ATP12A: variants seen among roughly 807,000 people sequenced by gnomAD.
ATP12A encodes potassium-transporting ATPase alpha chain 2.
A neutral mutation model predicts 111.2 loss-of-function variants in ATP12A; 81 were observed. The observed-to-expected ratio is 0.73, with a 90% CI of 0.61 to 0.88. The LOEUF (loss-of-function observed/expected upper bound fraction) is 0.88, where lower values mean the gene tolerates loss of function less well. ATP12A is among the 40% of genes least tolerant of loss of function. The probability of loss-of-function intolerance (pLI) is 0.00; values close to 1 mark genes in which losing one functional copy is unlikely to be tolerated. For synonymous variants in ATP12A, 498 were observed against 499.8 expected, an observed-to-expected ratio of 1.00 and a Z score of 0.05; for missense variants, 1,196 against 1,313.1, an observed-to-expected ratio of 0.91 and a Z score of 1.38.
Position 24,683,955 on chromosome 13 carries a change from G to T in ATP12A, c.169-1359G>T, listed in dbSNP as rs565418778. Among the ~76,000 whole-genome samples, 14 of 152,190 alleles carry T rather than the reference G, an allele frequency of 9.2e-5. No homozygotes were observed. The South Asian group carries it at 2.5e-3, about 27-fold the overall frequency. On this transcript the variant is annotated intron_variant, in intron 2 of 22. Transcript: ENST00000381946. ...TGCCTAATGACAACTGAAGTATCCC[G>T]GCCTTTGAATGAAAGGGCCAGGCAG...
At chr13:24,703,428 G>A (rs879671876) in intron 14 of ATP12A, 9 of 152,156 alleles carry the variant, frequency 5.9e-5, no homozygotes, top group Non-Finnish European at 1.2e-4. Flanking sequence ...TTTTAGTAGA[G>A]ACGGGGCTTT....
Position 24,685,415 on chromosome 13 carries a change from A to G in ATP12A, c.228+42A>G, listed in dbSNP as rs1426772161. On this transcript the variant is annotated intron_variant, in intron 3 of 22. Transcript: ENST00000381946. The surrounding 1 kb of genome is among the most constrained non-coding windows in gnomAD (Gnocchi z 5.5). The stretch of plus-strand genomic sequence containing the variant: ...AGGGATTTGGAAGAGAAGCCTCCCA[A>G]CTCTACAGAGGGAAGGCTGTGTGTG... The G allele has an allele frequency of 6.3e-7, 1 of 1,586,728 alleles. No individual in the cohort carries two copies. The highest frequency in any genetic ancestry group is 1.7e-5 in the Admixed American group (1 of 59,996).
At chr13:24,684,865 C>T (rs1874614035) in intron 2 of ATP12A, among the ~76,000 whole-genome samples, 1 of 152,176 alleles carries the variant, frequency 6.6e-6, no homozygotes, top group African/African-American at 2.4e-5. Flanking sequence ...CTGCCAGAGC[C>T]CACACAGCGA....
chr13:24,708,194 A>T (rs992636765), intron 17 of ATP12A, among the ~76,000 whole-genome samples: 1 of 152,170 alleles, frequency 6.6e-6, no homozygotes, highest in Non-Finnish European at 1.5e-5. Flanking sequence ...AGCAGTTATG[A>T]AGACTTTATA....
Position 24,680,557 on chromosome 13 carries a change from C to G in ATP12A, c.-187C>G. 1 of 574,828 alleles carries G rather than the reference C, an allele frequency of 1.7e-6. No homozygotes were observed. Among genetic ancestry groups the G allele is most frequent in the South Asian group, 2.8e-5 (1 of 36,324 alleles). 35.6% of individuals were successfully genotyped at this position (574,828 alleles called of 1,614,324 possible). On this transcript the variant is annotated 5_prime_UTR_variant, in exon 1 of 23. Transcript: ENST00000381946. Reference sequence around the variant, plus strand: ...GGCATTTAAGGCTGGTGCCACCTCCCCGGTGCAGCGGCTGGCGATCGGCCG... The same window carrying G: ...GGCATTTAAGGCTGGTGCCACCTCCGCGGTGCAGCGGCTGGCGATCGGCCG...
intron 17 of ATP12A, among the ~76,000 whole-genome samples, chr13:24,708,946 A>AAGG (rs1875816947): frequency 0.018 from 1,827 of 100,326 alleles, 78 homozygotes; most frequent in African/African-American, 0.056. Context: ...AGAAAGAAAG[A>AAGG]AAGAAAGAAA....
chr13:24,696,944 T>C (rs1875194112), intron 11 of ATP12A, among the ~76,000 whole-genome samples: 1 of 152,214 alleles, frequency 6.6e-6, no homozygotes, highest in Non-Finnish European at 1.5e-5. Context: ...AGAATGGTGA[T>C]GCCCCAAACA....
Position 24,694,610 on chromosome 13 carries a change from T to C in ATP12A, c.1512+32T>C, listed in dbSNP as rs749126559. The C allele has an allele frequency of 5.0e-6, 8 of 1,611,430 alleles. No individual in the cohort carries two copies. In the Admixed American group the frequency reaches 8.4e-5, roughly 17 times the overall value. On this transcript the variant is annotated intron_variant, in intron 11 of 22. Coordinates refer to ENST00000381946, the MANE Select transcript of ATP12A (RefSeq NM_001676.7). ...TTTTCCTCACAACCGGTAATCTCTG[T>C]CATCGGCAGCATGACCTTTCTACTT...
chr13:24,683,986 C>T (rs1874576041), intron 2 of ATP12A, among the ~76,000 whole-genome samples: 1 of 152,094 alleles, frequency 6.6e-6, no homozygotes, highest in Non-Finnish European at 1.5e-5. Context: ...GGCAGTGACC[C>T]GAGGGGTGGG....
chr13:24,680,972 G>T (rs1185264585), intron 1 of ATP12A, among the ~76,000 whole-genome samples: 1 of 152,246 alleles, frequency 6.6e-6, no homozygotes, highest in Non-Finnish European at 1.5e-5. Flanking sequence ...GCTGGGGAAA[G>T]AAGCCAGTCC....
At chr13:24,684,156 A>G (rs1312978622) in intron 2 of ATP12A, among the ~76,000 whole-genome samples, 1 of 151,830 alleles carries the variant, frequency 6.6e-6, no homozygotes, top group Non-Finnish European at 1.5e-5. Flanking sequence ...CACTACTTGT[A>G]TCTGCCCAAA....
Position 24,706,424 on chromosome 13 carries a change from C to T in ATP12A, c.2130C>T (p.Pro710=), listed in dbSNP as rs372391569. Residue 710 remains proline, a synonymous_variant, in exon 15 of 23, where the codon CCC becomes CCT. Coordinates refer to ENST00000381946, the MANE Select transcript of ATP12A (RefSeq NM_001676.7). ...AGATTGTCTTTGCCCGGACATCCCC[C>T]CAGCAGAAGCTGATCATTGTGGAGG... ...YQEIVFARTS[P]QQKLIIVEGC... 6.2e-7 allele frequency: 1 copy of T among 1,614,212 alleles called. No individual in the cohort carries two copies. The highest frequency in any genetic ancestry group is 1.3e-5 in the African/African-American group (1 of 75,064).
intron 2 of ATP12A, among the ~76,000 whole-genome samples, chr13:24,683,978 C>CCACT (rs1334893886): frequency 9.2e-5 from 14 of 152,144 alleles, no homozygotes; most frequent in African/African-American, 3.4e-4. Flanking sequence ...AAGGGCCAGG[C>CCACT]AGTGACCCGA....
intron 2 of ATP12A, among the ~76,000 whole-genome samples, chr13:24,684,398 A>T (rs1009010879): frequency 5.9e-5 from 9 of 152,210 alleles, no homozygotes; most frequent in African/African-American, 2.2e-4. Context: ...AAGAAAAGAG[A>T]TGATGTGAGC....
Position 24,707,294 on chromosome 13 carries a change from A to G in ATP12A, c.2354A>G (p.Asp785Gly). ...TGVEEGRLIF[D>G]NLKKTIAYSL... ...CTCTGCCTAGGTCGCCTGATCTTTG[A>G]CAACCTCAAGAAGACTATTGCTTAT... Residue 785 changes from aspartate (D) to glycine (G), a missense_variant, in exon 17 of 23, where the codon GAC becomes GGC. By Grantham distance (94) the Asp-to-Gly change is moderately conservative. Around this residue, in one of 3 missense-constraint regions of ATP12A, gnomAD observed 1,126 missense variants for 1,228.5 expected, o/e 0.92. Transcript: ENST00000381946. 1 of 1,614,176 alleles carries G rather than the reference A, an allele frequency of 6.2e-7. No homozygotes were observed.
chr13:24,680,738 C>T lies in ATP12A; in HGVS notation c.-6C>T. The T allele has an allele frequency of 6.6e-7, 1 of 1,504,018 alleles. No homozygotes were observed. Among genetic ancestry groups the T allele is most frequent in the East Asian group, 2.7e-5 (1 of 36,544 alleles). 93.2% of individuals were successfully genotyped at this position (1,504,018 alleles called of 1,614,324 possible). A position where few individuals can be genotyped will look rare whatever the true frequency, so the allele number is the denominator to read the frequency against. On this transcript the variant is annotated 5_prime_UTR_variant, in exon 1 of 23. Transcript: ENST00000381946. ...CGCCCGCAGCCCGCGGCGCCACCAG[C>T]CCAGCATGCACCAGGTGCGTGCAGC...
chr13:24,694,403 T>C, intron 10 of ATP12A, 41 bp from the exon 11 acceptor site: 1 of 1,610,434 alleles, frequency 6.2e-7, no homozygotes, highest in South Asian at 1.1e-5. Context: ...TGTTGGTTCA[T>C]TAAATATGTG....
rs1389596986 is a variant in ATP12A, at chr13:24,711,973, T to C, written c.*451T>C. On this transcript the variant is annotated 3_prime_UTR_variant, in exon 23 of 23. Transcript: ENST00000381946. ...AGAAGGTATGTTTTCATGGTCTCCT[T>C]GCTCGAAAAAGGCCAACTCACCCGA... The C allele has an allele frequency of 5.3e-6, 1 of 190,018 alleles. No individual in the cohort carries two copies. Among genetic ancestry groups the C allele is most frequent in the Non-Finnish European group, 1.1e-5 (1 of 91,234 alleles). 11.8% of individuals were successfully genotyped at this position (190,018 alleles called of 1,614,324 possible).
chr13:24,691,360 C>A, intron 8 of ATP12A, 110 bp downstream of exon 8: 4 of 1,331,840 alleles, frequency 3.0e-6, no homozygotes, highest in Non-Finnish European at 3.0e-6. Context: ...GCACCACGCC[C>A]TCCCCGCCAG....
Sources: allele counts gnomAD v4.1 joint callset (sites outside exome capture counted in the v4.1 genomes callset), GRCh38; gene constraint gnomAD v4.1.1; regional missense constraint gnomAD v4.1.1; non-coding constraint Gnocchi (gnomAD v3.1); transcripts MANE v1.5; gene names NCBI Gene and HGNC (gene_info 2026-07-23, HGNC 2026-07-21).